AGAP1: variants seen among roughly 807,000 people sequenced by gnomAD.
The protein encoded by AGAP1 is arf-GAP with GTPase, ANK repeat and PH domain-containing protein 1.
In AGAP1, 29 loss-of-function variants were observed where a neutral mutation model predicts 105.3. The ratio of observed to expected loss-of-function variants is 0.28; its 90% CI spans 0.21 to 0.38. The LOEUF is 0.38. Among genes scored for constraint, AGAP1 ranks in the 10% least tolerant of loss-of-function variants. The probability of loss-of-function intolerance (pLI) is 1.00; values close to 1 mark genes in which losing one functional copy is unlikely to be tolerated. For synonymous variants in AGAP1, 509 were observed against 485.9 expected, an observed-to-expected ratio of 1.05 and a Z score of -0.63; for missense variants, 998 against 1,165.1, an observed-to-expected ratio of 0.86 and a Z score of 2.09.
chr2:235,938,986 G>A (rs2053123890), intron 12 of AGAP1, among the ~76,000 whole-genome samples: 1 of 152,190 alleles, frequency 6.6e-6, no homozygotes. Flanking sequence ...TCCCCCAGGG[G>A]TTTCAGATGC....
In AGAP1 at chr2:235,690,974, A is replaced by G. The variant is rs962001086; in HGVS notation, c.164-18205A>G. Among the ~76,000 whole-genome samples, 1 of 152,160 alleles carries G rather than the reference A, an allele frequency of 6.6e-6. No individual in the cohort carries two copies. The highest frequency in any genetic ancestry group is 1.5e-5 in the Non-Finnish European group (1 of 68,020). On this transcript the variant is annotated intron_variant, in intron 1 of 17. Transcript: ENST00000304032. The surrounding 1 kb of genome is among the most constrained non-coding windows in gnomAD (Gnocchi z 4.1). Reference sequence around the variant, plus strand: ...TAGATATGCCAGGAGCCTTCTTGGAAGTCGCTCACCACCTGGTTTTCTCCA... The same window carrying G: ...TAGATATGCCAGGAGCCTTCTTGGAGGTCGCTCACCACCTGGTTTTCTCCA...
Position 235,964,250 on chromosome 2 carries a change from G to T in AGAP1, c.1484-4212G>T, listed in dbSNP as rs560048295. Among the ~76,000 whole-genome samples the T allele has an allele frequency of 7.9e-5, 12 of 152,282 alleles. No individual in the cohort carries two copies. Among genetic ancestry groups the T allele is most frequent in the South Asian group, 4.1e-4 (2 of 4,820 alleles). On this transcript the variant is annotated intron_variant, in intron 12 of 17. Coordinates refer to ENST00000304032, the MANE Select transcript of AGAP1 (RefSeq NM_001037131.3). This position sits in a 1 kb window ranked among gnomAD's most constrained non-coding sequence, Gnocchi z 4.6. ...CCTGTCGAAATGAGAGGACACCCAA[G>T]GGACAGAGTAAAATAATATGATTTT...
chr2:235,662,625 G>C lies in AGAP1; in HGVS notation c.164-46554G>C, dbSNP rs531051363. ...GGGTTCAAGCGATTTTTCTGCCTCA[G>C]CCTCCCAAGTAGCTGGGATTACAGG... is the stretch of plus-strand genomic sequence containing the variant. On this transcript the variant is annotated intron_variant, in intron 1 of 17. Coordinates refer to ENST00000304032, the MANE Select transcript of AGAP1 (RefSeq NM_001037131.3). This position sits in a 1 kb window ranked among gnomAD's most constrained non-coding sequence, Gnocchi z 4.2. Among the ~76,000 whole-genome samples the C allele has an allele frequency of 6.6e-5, 10 of 151,222 alleles. No individual in the cohort carries two copies. The East Asian group carries it at 1.8e-3, about 27-fold the overall frequency.
chr2:235,883,501 CT>C lies in AGAP1; in HGVS notation c.1155+53del. The C allele has an allele frequency of 6.8e-7, 1 of 1,480,420 alleles. No homozygotes were observed. The highest frequency in any genetic ancestry group is 9.4e-7 in the Non-Finnish European group (1 of 1,068,366). 91.7% of individuals were successfully genotyped at this position (1,480,420 alleles called of 1,614,324 possible). On this transcript the variant is annotated intron_variant, in intron 10 of 17. Coordinates refer to ENST00000304032, the MANE Select transcript of AGAP1 (RefSeq NM_001037131.3). The surrounding 1 kb of genome is among the most constrained non-coding windows in gnomAD (Gnocchi z 4.5). ...AACAGCTGCAGACCTCAACTAAACACTGTGGGGAAGGGGAACCTACCAGCAG... is the reference window on the plus strand; with the variant it reads ...AACAGCTGCAGACCTCAACTAAACACGTGGGGAAGGGGAACCTACCAGCAG...
rs372500376 is a variant in AGAP1 at position 235,556,831 on chromosome 2, TTAC to T, written c.163+61984_163+61986del. Reference sequence around the variant, plus strand: ...ACTTATTTACCCTGGAGTGAATGTGTTACTGGAAGTGTCTTGGCTAAATTCCTG... The same window carrying T: ...ACTTATTTACCCTGGAGTGAATGTGTTGGAAGTGTCTTGGCTAAATTCCTG... On this transcript the variant is annotated intron_variant, in intron 1 of 17. Transcript: ENST00000304032. This position sits in a 1 kb window ranked among gnomAD's most constrained non-coding sequence, Gnocchi z 5.3. 3.6e-4 allele frequency among the ~76,000 whole-genome samples: 55 copies of T among 152,336 alleles called. 1 individual carries two copies. In the South Asian group the frequency reaches 0.011, roughly 31 times the overall value.
In AGAP1 at chr2:235,559,711, T is replaced by G. The variant is rs559082192; in HGVS notation, c.163+64862T>G. Among the ~76,000 whole-genome samples the G allele has an allele frequency of 5.5e-4, 84 of 152,106 alleles. No homozygotes were observed. Among genetic ancestry groups the G allele is most frequent in the Non-Finnish European group, 9.4e-4 (64 of 68,010 alleles). On this transcript the variant is annotated intron_variant, in intron 1 of 17. Transcript: ENST00000304032. This position sits in a 1 kb window ranked among gnomAD's most constrained non-coding sequence, Gnocchi z 5.7. ...TGGTATCTCAACTGTGGTTTTGATT[T>G]GCATTTCCCTGGTGACTAATGGTGT...
Position 236,014,903 on chromosome 2 carries a change from G to T in AGAP1, c.1646-21658G>T, listed in dbSNP as rs372787103. On this transcript the variant is annotated intron_variant, in intron 13 of 17. Coordinates refer to ENST00000304032, the MANE Select transcript of AGAP1 (RefSeq NM_001037131.3). The surrounding 1 kb of genome is among the most constrained non-coding windows in gnomAD (Gnocchi z 6.3). ...AGGTAACGCCTCCGCACCTCCACCC[G>T]CCCACACCTCCACCTGCCTCTTCCC... 2 of 385,992 alleles carry T rather than the reference G, an allele frequency of 5.2e-6. No homozygotes were observed. The highest frequency in any genetic ancestry group is 1.9e-5 in the South Asian group (1 of 51,620). The allele number at this position is 385,992 out of a possible 1,614,324, so 23.9% of individuals were successfully genotyped here.
At chr2:235,507,773 G>A (rs528705862) in intron 1 of AGAP1, among the ~76,000 whole-genome samples, 32 of 152,140 alleles carry the variant, frequency 2.1e-4, no homozygotes, top group Admixed American at 5.9e-4. Context: ...CTCGGGACCC[G>A]TGGACACCAG....
At chr2:235,674,381 G>T (rs1948609309) in intron 1 of AGAP1, among the ~76,000 whole-genome samples, 1 of 152,338 alleles carries the variant, frequency 6.6e-6, no homozygotes, top group African/African-American at 2.4e-5. Flanking sequence ...ACATTGTAGG[G>T]GGTCCCCTTG....
In AGAP1 at chr2:235,639,690, TTAGA is replaced by T. The variant is rs1947126266; in HGVS notation, c.164-69485_164-69482del. ...GAATCGCAGGGACTCTCCTTCACTC[TTAGA>T]TAGTGGCAGCGCTTGCCTCGCTGCA... On this transcript the variant is annotated intron_variant, in intron 1 of 17. Coordinates refer to ENST00000304032, the MANE Select transcript of AGAP1 (RefSeq NM_001037131.3). This position sits in a 1 kb window ranked among gnomAD's most constrained non-coding sequence, Gnocchi z 5.3. Among the ~76,000 whole-genome samples, 1 of 152,218 alleles carries T rather than the reference TTAGA, an allele frequency of 6.6e-6. No homozygotes were observed. Among genetic ancestry groups the T allele is most frequent in the South Asian group, 2.1e-4 (1 of 4,834 alleles).
intron 9 of AGAP1, among the ~76,000 whole-genome samples, chr2:235,811,876 T>G (rs562691888): frequency 6.6e-6 from 1 of 152,360 alleles, no homozygotes; most frequent in African/African-American, 2.4e-5. Flanking sequence ...TTGTGTTTAT[T>G]TGATCACCTG....
At chr2:235,554,812 G>A (rs1943922941) in intron 1 of AGAP1, among the ~76,000 whole-genome samples, 2 of 152,152 alleles carry the variant, frequency 1.3e-5, no homozygotes, top group Non-Finnish European at 2.9e-5. Flanking sequence ...TGGGATTACA[G>A]GCGCCTGCCA....
rs994909589 is a variant in AGAP1, at chr2:235,747,792, G to T, written c.539-2562G>T. Among the ~76,000 whole-genome samples the T allele has an allele frequency of 6.6e-6, 1 of 152,262 alleles. No homozygotes were observed. The highest frequency in any genetic ancestry group is 1.5e-5 in the Non-Finnish European group (1 of 68,046). On this transcript the variant is annotated intron_variant, in intron 5 of 17. Coordinates refer to ENST00000304032, the MANE Select transcript of AGAP1 (RefSeq NM_001037131.3). This position sits in a 1 kb window ranked among gnomAD's most constrained non-coding sequence, Gnocchi z 5.0. Reference sequence around the variant, plus strand: ...ATGCCAGAGACAAAAGAGGGATCAGGTTGTCTAGGAAGGCACCTGGCATTT... The same window carrying T: ...ATGCCAGAGACAAAAGAGGGATCAGTTTGTCTAGGAAGGCACCTGGCATTT...
chr2:235,806,504 G>T (rs937835276), intron 8 of AGAP1, among the ~76,000 whole-genome samples: 5 of 152,118 alleles, frequency 3.3e-5, no homozygotes, highest in Non-Finnish European at 5.9e-5. Flanking sequence ...TGGGTTAAAG[G>T]TCACCACCCT....
chr2:235,594,887 T>G (rs1006554487), intron 1 of AGAP1, among the ~76,000 whole-genome samples: 4 of 148,446 alleles, frequency 2.7e-5, no homozygotes, highest in Admixed American at 6.7e-5. Flanking sequence ...ATTGCTGTTT[T>G]TTTTTTTTTT....
intron 9 of AGAP1, among the ~76,000 whole-genome samples, chr2:235,873,297 T>C (rs1341582529): frequency 6.6e-6 from 1 of 152,230 alleles, no homozygotes. Flanking sequence ...ACAAAAGCTA[T>C]TTCCCGAGTC....
chr2:235,978,394 C>T (rs1374767814), intron 13 of AGAP1, among the ~76,000 whole-genome samples: 1 of 152,200 alleles, frequency 6.6e-6, no homozygotes, highest in Non-Finnish European at 1.5e-5. Context: ...TCACTCTTCC[C>T]TCCCAAGTCT....
At chr2:235,942,379 C>T (rs1340802214) in intron 12 of AGAP1, among the ~76,000 whole-genome samples, 1 of 152,122 alleles carries the variant, frequency 6.6e-6, no homozygotes, top group African/African-American at 2.4e-5. Context: ...AACAATGTGT[C>T]ATTAACTTAC....
chr2:235,937,867 A>G (rs1237497319), intron 12 of AGAP1, among the ~76,000 whole-genome samples: 1 of 152,216 alleles, frequency 6.6e-6, no homozygotes, highest in Non-Finnish European at 1.5e-5. Context: ...TTCAGCCCAA[A>G]ACACCAGCGG....
Sources: gnomAD v4.1 joint callset for allele counts (sites outside exome capture counted in the v4.1 genomes callset) on GRCh38, gnomAD v4.1.1 for gene constraint, Gnocchi (gnomAD v3.1) non-coding constraint, MANE v1.5 for transcripts, NCBI Gene and HGNC (gene_info 2026-07-23, HGNC 2026-07-21) for gene names.